The following CRTAC1 variants were observed in gnomAD, a reference collection of about 807,000 sequenced individuals.
CRTAC1 encodes the protein acidic secreted protein in cartilage.
A neutral mutation model predicts 67.8 loss-of-function variants in CRTAC1; 37 were observed. The ratio of observed to expected loss-of-function variants is 0.55; its 90% CI spans 0.42 to 0.72. The LOEUF is 0.72. Ranked by LOEUF, CRTAC1 falls within the 30% of genes least tolerant of loss-of-function variation. The probability of loss-of-function intolerance (pLI) is 0.00; values close to 1 mark genes in which losing one functional copy is unlikely to be tolerated. For synonymous variants in CRTAC1, 348 were observed against 371.0 expected (o/e 0.94, Z 0.71); for missense variants, 780 against 931.6 (o/e 0.84, Z 2.12).
At chr10:97,884,090 A>G in intron 12 of CRTAC1, 116 bp downstream of exon 12, 1 of 1,259,912 alleles carries the variant, frequency 7.9e-7, no homozygotes, top group Non-Finnish European at 1.1e-6. Flanking sequence ...CGCTTTGCCA[A>G]GATTTCCATC....
In CRTAC1 at chr10:97,967,744, T is replaced by C. The variant is rs551452479; in HGVS notation, c.225-31378A>G. ...AGTTGGATCTGGTTGCTTCTGGAAG[T>C]AGTAAGTGCTCCCTCACTGAGTGTA... On this transcript the variant is annotated intron_variant, in intron 2 of 14. Coordinates refer to ENST00000370597, the MANE Select transcript of CRTAC1 (RefSeq NM_018058.7). Among the ~76,000 whole-genome samples the C allele has an allele frequency of 4.6e-5, 7 of 152,084 alleles. 1 individual carries two copies. The South Asian group carries it at 1.5e-3, about 32-fold the overall frequency.
chr10:97,985,465 T>C (rs962794625), intron 2 of CRTAC1, among the ~76,000 whole-genome samples: 2 of 152,114 alleles, frequency 1.3e-5, no homozygotes, highest in African/African-American at 4.8e-5. Context: ...AGAGCACTCA[T>C]GAAGCCAGCA....
At chr10:97,998,789 TAACA>T (rs1373355552) in intron 2 of CRTAC1, among the ~76,000 whole-genome samples, 2 of 152,180 alleles carry the variant, frequency 1.3e-5, no homozygotes, top group Non-Finnish European at 2.9e-5. Context: ...CTGGCAGGGC[TAACA>T]AAGGGCAAAG....
At position 97,895,635 on chromosome 10, in the gene CRTAC1, GC is replaced by G. The variant is rs2050446554; in HGVS notation, c.1318-223del. ...GGCACTGCAGACAGAGGAGACAAAA[GC>G]CGAGGGACTCAGGGCACAGTGTTTG... On this transcript the variant is annotated intron_variant, in intron 10 of 14. Transcript: ENST00000370597. The surrounding 1 kb of genome is among the most constrained non-coding windows in gnomAD (Gnocchi z 4.2). Among the ~76,000 whole-genome samples the G allele has an allele frequency of 6.6e-6, 1 of 152,214 alleles. No individual in the cohort carries two copies. The highest frequency in any genetic ancestry group is 2.1e-4 in the South Asian group (1 of 4,834).
At chr10:97,903,829 G>A (rs1052849735) in intron 7 of CRTAC1, among the ~76,000 whole-genome samples, 2 of 151,988 alleles carry the variant, frequency 1.3e-5, no homozygotes, top group Non-Finnish European at 2.9e-5. Context: ...TCTTGGCATC[G>A]GTCTATCAAC....
intron 14 of CRTAC1, among the ~76,000 whole-genome samples, chr10:97,872,090 G>GA (rs2050099048): frequency 6.6e-6 from 1 of 152,064 alleles, no homozygotes; most frequent in African/African-American, 2.4e-5. Context: ...CAAGGGCAGG[G>GA]AGCCTGTCTT....
chr10:98,015,679 G>A (rs1224945659), intron 1 of CRTAC1, among the ~76,000 whole-genome samples: 1 of 152,116 alleles, frequency 6.6e-6, no homozygotes, highest in Non-Finnish European at 1.5e-5. Context: ...CTAATATGTT[G>A]CAAAATTTGA....
intron 1 of CRTAC1, among the ~76,000 whole-genome samples, chr10:98,013,584 A>G (rs1431091006): frequency 1.3e-5 from 2 of 152,220 alleles, no homozygotes; most frequent in African/African-American, 4.8e-5. Flanking sequence ...AAAACAAGTC[A>G]CAACCTCTTT....
intron 2 of CRTAC1, among the ~76,000 whole-genome samples, chr10:97,941,730 T>G (rs934624568): frequency 4.6e-5 from 7 of 152,112 alleles, no homozygotes; most frequent in African/African-American, 1.7e-4. Context: ...TGCCACCATC[T>G]CTGGGCAGAC....
intron 14 of CRTAC1, among the ~76,000 whole-genome samples, chr10:97,872,043 C>A (rs2050098595): frequency 6.6e-6 from 1 of 152,178 alleles, no homozygotes; most frequent in South Asian, 2.1e-4. Flanking sequence ...TGCGAGGGTC[C>A]TTTTCCCTGC....
At position 97,908,565 on chromosome 10, in the gene CRTAC1, C is replaced by A. The variant is rs139672827; in HGVS notation, c.716-418G>T. ...TGAGTGATACATATGCTGGTCAAGA[C>A]CACTGGGTATGTCCCAGCTTTAAGA... On this transcript the variant is annotated intron_variant, in intron 5 of 14. Transcript: ENST00000370597. Among the ~76,000 whole-genome samples the A allele has an allele frequency of 3.7e-3, 557 of 152,354 alleles. 5 individuals carry two copies. Among genetic ancestry groups the A allele is most frequent in the African/African-American group, 0.012 (506 of 41,574 alleles).
intron 1 of CRTAC1, among the ~76,000 whole-genome samples, chr10:98,017,989 G>T (rs1843033675): frequency 6.6e-6 from 1 of 151,404 alleles, no homozygotes; most frequent in South Asian, 2.1e-4. Flanking sequence ...TTGAGGTCAG[G>T]AGTTCAAGAG....
intron 3 of CRTAC1, among the ~76,000 whole-genome samples, chr10:97,933,082 G>C (rs2051025548): frequency 6.6e-6 from 1 of 152,246 alleles, no homozygotes; most frequent in Non-Finnish European, 1.5e-5. Flanking sequence ...GGGCATGCCT[G>C]GGCTGGTTGG....
chr10:97,901,401 G>A (rs1406449847), intron 8 of CRTAC1, 102 bp downstream of exon 8: 9 of 1,446,320 alleles, frequency 6.2e-6, no homozygotes, highest in Non-Finnish European at 8.6e-6. Context: ...TGACCCCCTG[G>A]CCCTGGGAAC....
intron 2 of CRTAC1, among the ~76,000 whole-genome samples, chr10:97,944,254 C>A (rs1230890556): frequency 6.6e-6 from 1 of 152,104 alleles, no homozygotes; most frequent in South Asian, 2.1e-4. Flanking sequence ...ATGGTGAAAC[C>A]CCATCTCTAC....
chr10:97,997,071 T>A (rs1166632779), intron 2 of CRTAC1, among the ~76,000 whole-genome samples: 1 of 101,694 alleles, frequency 9.8e-6, no homozygotes, highest in Non-Finnish European at 1.8e-5. Context: ...AACATCACAC[T>A]CTGGGGACTG....
rs545678728 is a variant in CRTAC1, at chr10:98,021,258, A to G, written c.24+9191T>C. ...TACCCCCCAGAAGGTGGCATGTTTC[A>G]TGCATTTTCCCCAGCACCAAGAAAA... On this transcript the variant is annotated intron_variant, in intron 1 of 14. Transcript: ENST00000370597. Among the ~76,000 whole-genome samples the G allele has an allele frequency of 5.5e-4, 83 of 152,248 alleles. 2 individuals are homozygous for G. The highest frequency in any genetic ancestry group is 2.0e-3 in the African/African-American group (82 of 41,550).
At chr10:97,882,879 C>T in intron 12 of CRTAC1, 51 bp from the exon 13 acceptor site, 1 of 1,586,418 alleles carries the variant, frequency 6.3e-7, no homozygotes, top group Non-Finnish European at 8.7e-7. Flanking sequence ...AGGTCCCATC[C>T]CAGGTTCCCT....
chr10:97,985,074 T>C (rs2051957979), intron 2 of CRTAC1, among the ~76,000 whole-genome samples: 1 of 152,182 alleles, frequency 6.6e-6, no homozygotes, highest in Admixed American at 6.5e-5. Flanking sequence ...CTTCCAGGGA[T>C]TGTTTCGGCT....
Sources: gnomAD v4.1 joint callset for allele counts (sites outside exome capture counted in the v4.1 genomes callset) on GRCh38, gnomAD v4.1.1 for gene constraint, Gnocchi (gnomAD v3.1) non-coding constraint, MANE v1.5 for transcripts, NCBI Gene and HGNC (gene_info 2026-07-23, HGNC 2026-07-21) for gene names.